THRB: variants seen among roughly 807,000 people sequenced by gnomAD.
THRB encodes nuclear receptor subfamily 1 group A member 2.
In THRB, 12 loss-of-function variants were observed where a neutral mutation model predicts 47.8. The observed-to-expected ratio is 0.25, with a 90% CI of 0.16 to 0.41. The LOEUF (loss-of-function observed/expected upper bound fraction) is 0.41, where lower values mean the gene tolerates loss of function less well. THRB is among the 10% of genes least tolerant of loss of function. The pLI is 1.00. For synonymous variants in THRB, 218 were observed against 212.2 expected (o/e 1.03, Z -0.24); for missense variants, 348 against 589.2 (o/e 0.59, Z 4.24).
intron 3 of THRB, among the ~76,000 whole-genome samples, chr3:24,296,839 T>C (rs1219794386): frequency 6.6e-6 from 1 of 152,232 alleles, no homozygotes; most frequent in Admixed American, 6.5e-5. Context: ...TTCAGGGAAC[T>C]CAGCAAGAAC....
At chr3:24,151,233 T>G (rs2036881680) in intron 6 of THRB, among the ~76,000 whole-genome samples, 1 of 152,176 alleles carries the variant, frequency 6.6e-6, no homozygotes, top group Admixed American at 6.5e-5. Context: ...CCTAAATGTT[T>G]CCTAATGTCA....
At chr3:24,484,163 T>A (rs749519387) in intron 1 of THRB, 5 of 152,204 alleles carry the variant, frequency 3.3e-5, no homozygotes, top group Non-Finnish European at 5.9e-5. Flanking sequence ...AAAATAAACT[T>A]CCATTTGTTT....
chr3:24,320,846 G>A (rs1329795452), intron 2 of THRB, among the ~76,000 whole-genome samples: 1 of 152,102 alleles, frequency 6.6e-6, no homozygotes, highest in Non-Finnish European at 1.5e-5. Context: ...TGGCAGGAAG[G>A]TCAAGCAGCC....
intron 1 of THRB, among the ~76,000 whole-genome samples, chr3:24,451,169 C>T (rs929042882): frequency 6.6e-6 from 1 of 150,420 alleles, no homozygotes; most frequent in Non-Finnish European, 1.5e-5. Flanking sequence ...CCAAATATTT[C>T]AGTTGAAGAT....
chr3:24,178,101 C>T (rs1332009317), intron 5 of THRB, among the ~76,000 whole-genome samples: 2 of 152,066 alleles, frequency 1.3e-5, no homozygotes, highest in Non-Finnish European at 2.9e-5. Context: ...ACCTTTAGAG[C>T]ATTGAATAGC....
At chr3:24,145,992 A>G (rs1051852000) in intron 7 of THRB, among the ~76,000 whole-genome samples, 5 of 152,182 alleles carry the variant, frequency 3.3e-5, no homozygotes, top group African/African-American at 1.2e-4. Context: ...TGACTGGTGT[A>G]AATCCCTCGC....
At chr3:24,146,383 A>G (rs1003172381) in intron 7 of THRB, among the ~76,000 whole-genome samples, 1 of 152,194 alleles carries the variant, frequency 6.6e-6, no homozygotes, top group Non-Finnish European at 1.5e-5. Context: ...GCTAACAACT[A>G]GGCCTGCAAA....
chr3:24,324,594 C>A (rs749221239), intron 2 of THRB, among the ~76,000 whole-genome samples: 9 of 152,186 alleles, frequency 5.9e-5, no homozygotes, highest in Non-Finnish European at 1.3e-4. Context: ...TACATATCAA[C>A]TTTTTACCTT....
intron 4 of THRB, among the ~76,000 whole-genome samples, chr3:24,226,903 T>G (rs765727363): frequency 6.6e-6 from 1 of 152,216 alleles, no homozygotes; most frequent in African/African-American, 2.4e-5. Context: ...AGACACTGTA[T>G]GGGCTGCAAA....
At chr3:24,454,738 T>C (rs1036355400) in intron 1 of THRB, among the ~76,000 whole-genome samples, 3 of 152,144 alleles carry the variant, frequency 2.0e-5, no homozygotes, top group African/African-American at 7.2e-5. Flanking sequence ...TCTATAGATA[T>C]TGTTGAAATC....
At chr3:24,353,895 TA>T (rs34665495) in intron 1 of THRB, among the ~76,000 whole-genome samples, 1 of 152,054 alleles carries the variant, frequency 6.6e-6, no homozygotes, top group Non-Finnish European at 1.5e-5. Flanking sequence ...TTGCTAAAAT[TA>T]AAAAAATCTT....
chr3:24,357,343 T>A (rs2063739488), intron 1 of THRB, among the ~76,000 whole-genome samples: 1 of 26,260 alleles, frequency 3.8e-5, no homozygotes, highest in Non-Finnish European at 6.8e-5. Context: ...TCCTTGTCTC[T>A]CCCAAAAAAA....
At chr3:24,355,961 T>C (rs1434161975) in intron 1 of THRB, among the ~76,000 whole-genome samples, 1 of 152,154 alleles carries the variant, frequency 6.6e-6, no homozygotes, top group Non-Finnish European at 1.5e-5. Context: ...GAGTCTCATC[T>C]AAATATCATC....
chr3:24,312,218 G>A (rs1307670461), intron 2 of THRB, among the ~76,000 whole-genome samples: 1 of 152,234 alleles, frequency 6.6e-6, no homozygotes, highest in African/African-American at 2.4e-5. Flanking sequence ...TGTGGGGGGT[G>A]TTCTCACGGC....
intron 5 of THRB, chr3:24,165,605 C>G: frequency 2.3e-6 from 1 of 437,004 alleles, no homozygotes; most frequent in Non-Finnish European, 4.1e-6. Context: ...GCCATCCAAA[C>G]ATATTGGAAA....
At chr3:24,247,786 T>G (rs1227129437) in intron 3 of THRB, among the ~76,000 whole-genome samples, 1 of 152,172 alleles carries the variant, frequency 6.6e-6, no homozygotes, top group Non-Finnish European at 1.5e-5. Flanking sequence ...GAATTAGAGC[T>G]TCAATCTTTT....
At chr3:24,394,803 T>C (rs938087111) in intron 1 of THRB, among the ~76,000 whole-genome samples, 4 of 152,104 alleles carry the variant, frequency 2.6e-5, no homozygotes, top group Admixed American at 6.6e-5. Flanking sequence ...ATGCCTGATA[T>C]CACGCTTCAC....
At chr3:24,135,253 CTCT>C (rs1378017901) in intron 8 of THRB, among the ~76,000 whole-genome samples, 1 of 152,196 alleles carries the variant, frequency 6.6e-6, no homozygotes, top group East Asian at 1.9e-4. Flanking sequence ...GATTCTTTTA[CTCT>C]TCTTGGTGCC....
At chr3:24,175,819 T>C (rs1188734429) in intron 5 of THRB, among the ~76,000 whole-genome samples, 1 of 152,174 alleles carries the variant, frequency 6.6e-6, no homozygotes, top group Non-Finnish European at 1.5e-5. Flanking sequence ...AACAATAAGA[T>C]TGCTTGGGAA....
Sources: allele counts gnomAD v4.1 joint callset (sites outside exome capture counted in the v4.1 genomes callset), GRCh38; gene constraint gnomAD v4.1.1; transcripts MANE v1.5; gene names NCBI Gene and HGNC (gene_info 2026-07-23, HGNC 2026-07-21).